MLIP: variants seen among roughly 807,000 people sequenced by gnomAD.
MLIP encodes the protein muscular LMNA interacting protein.
MLIP carries 79 observed loss-of-function variants against 84.8 expected under a neutral mutation model. The observed-to-expected ratio is 0.93, with a 90% CI of 0.78 to 1.12. MLIP has a LOEUF of 1.12. Among genes scored for constraint, MLIP ranks in the 50% most tolerant of loss-of-function variants. MLIP has a pLI of 0.00. For missense variants in MLIP, 1,257 were observed against 1,160.6 expected (o/e 1.08, Z -1.21); for synonymous variants, 504 against 463.0 (o/e 1.09, Z -1.14).
intron 1 of MLIP, among the ~76,000 whole-genome samples, chr6:54,095,957 A>T (rs1162960864): frequency 6.6e-6 from 1 of 152,076 alleles, no homozygotes; most frequent in Non-Finnish European, 1.5e-5. Flanking sequence ...CTTCAGATGG[A>T]GTGTGACTGA....
intron 5 of MLIP, among the ~76,000 whole-genome samples, chr6:54,153,511 A>G (rs1291772855): frequency 6.6e-6 from 1 of 152,072 alleles, no homozygotes; most frequent in Non-Finnish European, 1.5e-5. Context: ...CTAAACTCCA[A>G]TCTTATTAAA....
intron 1 of MLIP, among the ~76,000 whole-genome samples, chr6:54,089,161 A>G (rs1767695087): frequency 6.6e-6 from 1 of 152,198 alleles, no homozygotes; most frequent in Admixed American, 6.6e-5. Flanking sequence ...AAATTGATTC[A>G]GGATTTAAAA....
chr6:54,119,875 A>G (rs1241624633), intron 1 of MLIP, among the ~76,000 whole-genome samples: 1 of 152,196 alleles, frequency 6.6e-6, no homozygotes, highest in Non-Finnish European at 1.5e-5. Context: ...CCACCACTTT[A>G]CCACGTTTGT....
intron 9 of MLIP, among the ~76,000 whole-genome samples, chr6:54,184,306 CA>C (rs895897997): frequency 7.2e-5 from 11 of 151,854 alleles, no homozygotes; most frequent in Non-Finnish European, 1.5e-4. Context: ...TACTGAAAGG[CA>C]AAAAAAGCAT....
intron 3 of MLIP, among the ~76,000 whole-genome samples, chr6:54,128,502 CA>C (rs1028015562): frequency 6.6e-5 from 10 of 151,824 alleles, no homozygotes; most frequent in African/African-American, 2.4e-4. Flanking sequence ...TGAGACTTTC[CA>C]AAAAGAGGAG....
intron 1 of MLIP, among the ~76,000 whole-genome samples, chr6:54,075,087 A>G (rs186584747): frequency 8.2e-4 from 125 of 152,020 alleles, no homozygotes; most frequent in African/African-American, 2.9e-3. Context: ...AGCTCTACTA[A>G]AAATACAAAA....
chr6:54,036,805 T>C (rs1306678017), intron 1 of MLIP, among the ~76,000 whole-genome samples: 1 of 152,034 alleles, frequency 6.6e-6, no homozygotes, highest in East Asian at 1.9e-4. Context: ...TGTGACATTA[T>C]TCACAATAGC....
intron 12 of MLIP, among the ~76,000 whole-genome samples, chr6:54,248,875 T>C (rs1049702277): frequency 3.3e-5 from 5 of 152,078 alleles, no homozygotes; most frequent in Non-Finnish European, 5.9e-5. Flanking sequence ...ACAATTAACA[T>C]GCATTTCAAC....
At chr6:54,195,383 A>G (rs1018875187) in intron 10 of MLIP, among the ~76,000 whole-genome samples, 4 of 152,040 alleles carry the variant, frequency 2.6e-5, no homozygotes, top group Non-Finnish European at 5.9e-5. Context: ...GCTTATTACT[A>G]TAGTCAAAGG....
intron 10 of MLIP, among the ~76,000 whole-genome samples, chr6:54,197,528 T>C (rs900803689): frequency 6.6e-6 from 1 of 152,100 alleles, no homozygotes; most frequent in African/African-American, 2.4e-5. Flanking sequence ...GTAAATCAGT[T>C]CTCAGTACAT....
intron 1 of MLIP, among the ~76,000 whole-genome samples, chr6:54,119,570 CA>C (rs1424514481): frequency 6.6e-6 from 1 of 151,928 alleles, no homozygotes; most frequent in Non-Finnish European, 1.5e-5. Flanking sequence ...AGATGTTGGT[CA>C]AAATATATAT....
At chr6:54,170,801 C>T (rs922023008) in intron 9 of MLIP, among the ~76,000 whole-genome samples, 1 of 151,592 alleles carries the variant, frequency 6.6e-6, no homozygotes, top group Admixed American at 6.6e-5. Flanking sequence ...CCTTTCCTTT[C>T]CCTTTTTCCT....
rs113614443 is a variant in MLIP at position 54,076,822 on chromosome 6, C to A, written c.64-44625C>A. 6.7e-4 allele frequency among the ~76,000 whole-genome samples: 102 copies of A among 151,834 alleles called. 1 individual carries two copies. The highest frequency in any genetic ancestry group is 5.9e-4 in the Admixed American group (9 of 15,242). On this transcript the variant is annotated intron_variant, in intron 1 of 12. Transcript: ENST00000274897. Reference sequence around the variant, plus strand: ...TATTGTTTCTAGGCTTGATTTAGGTCAATGTTTTCTAGGGGTGAGGGTAAG... The same window carrying A: ...TATTGTTTCTAGGCTTGATTTAGGTAAATGTTTTCTAGGGGTGAGGGTAAG...
intron 1 of MLIP, among the ~76,000 whole-genome samples, chr6:54,050,362 A>G (rs1246585058): frequency 6.6e-6 from 1 of 152,154 alleles, no homozygotes; most frequent in Non-Finnish European, 1.5e-5. Context: ...CTTGCTTTAT[A>G]CAAACACATA....
At chr6:54,170,323 GTAAA>G (rs1474763994) in intron 9 of MLIP, among the ~76,000 whole-genome samples, 2 of 151,672 alleles carry the variant, frequency 1.3e-5, no homozygotes, top group Non-Finnish European at 3.0e-5. Flanking sequence ...ATTATGAAGA[GTAAA>G]TAGTTATTAA....
chr6:54,254,839 T>C (rs1782896859), intron 12 of MLIP, among the ~76,000 whole-genome samples: 2 of 148,752 alleles, frequency 1.3e-5, no homozygotes, highest in Admixed American at 1.3e-4. Flanking sequence ...TTAAATATCT[T>C]CCAATCCACA....
At chr6:54,152,070 G>T (rs940911008) in intron 5 of MLIP, among the ~76,000 whole-genome samples, 1 of 152,012 alleles carries the variant, frequency 6.6e-6, no homozygotes, top group Non-Finnish European at 1.5e-5. Flanking sequence ...CTTTAAGAAG[G>T]AAGCATTTAT....
At chr6:54,209,596 G>A (rs993232528) in intron 11 of MLIP, among the ~76,000 whole-genome samples, 4 of 152,094 alleles carry the variant, frequency 2.6e-5, no homozygotes, top group South Asian at 2.1e-4. Context: ...TGGGATTACC[G>A]GTAGGTTTTA....
Position 54,247,409 on chromosome 6 carries a change from A to G in MLIP, c.2923-9899A>G, listed in dbSNP as rs548371995. ...AGTAAAAGAAGACAGATTCTCCAGA[A>G]GGAAGATTTTAGACTCCATCAGTTG... is the stretch of plus-strand genomic sequence containing the variant. On this transcript the variant is annotated intron_variant, in intron 12 of 13. Coordinates refer to ENST00000502396, the MANE Select transcript of MLIP (RefSeq NM_001281747.2). Among the ~76,000 whole-genome samples the G allele has an allele frequency of 9.2e-5, 14 of 152,258 alleles. No individual in the cohort carries two copies. In the South Asian group the frequency reaches 2.9e-3, roughly 32 times the overall value.
Sources: allele counts gnomAD v4.1 joint callset (sites outside exome capture counted in the v4.1 genomes callset), GRCh38; gene constraint gnomAD v4.1.1; transcripts MANE v1.5; gene names NCBI Gene and HGNC (gene_info 2026-07-23, HGNC 2026-07-21).